The following SIPA1 variants were observed in gnomAD, a reference collection of about 807,000 sequenced individuals.
SIPA1 encodes signal-induced proliferation-associated protein 1.
Under a neutral mutation model 88.1 loss-of-function variants are expected in SIPA1, and 51 were observed. That is an observed-to-expected ratio of 0.58 (90% CI 0.46 to 0.73). The LOEUF (loss-of-function observed/expected upper bound fraction) is 0.73. Ranked by LOEUF, SIPA1 falls within the 30% of genes least tolerant of loss-of-function variation. The probability of loss-of-function intolerance (pLI) is 0.00; values close to 1 mark genes in which losing one functional copy is unlikely to be tolerated. For synonymous variants in SIPA1, 681 were observed against 664.8 expected (o/e 1.02, Z -0.37); for missense variants, 1,348 against 1,467.6 (o/e 0.92, Z 1.33).
In SIPA1 at chr11:65,649,806, C is replaced by T. The variant is rs755764927; in HGVS notation, c.2687C>T (p.Pro896Leu). 4.6e-5 allele frequency: 75 copies of T among 1,613,970 alleles called. No homozygotes were observed. In the East Asian group the frequency reaches 1.2e-3, roughly 26 times the overall value. The change falls in exon 12 of 16, where the codon CCG becomes CTG. Residue 896 changes from proline to leucine, a missense_variant. This residue lies in a region of SIPA1 where 615 missense variants were observed against 559.8 expected (regional missense o/e 1.10). Transcript: ENST00000534313. ...SGSEDKGNPA[P>L]ELRASFLPRT... is the part of the protein sequence containing the mutation. ...TCTGAGGACAAGGGCAACCCGGCGC[C>T]GGAGCTGAGGGCCTCCTTTCTGCCA...
chr11:65,650,124 C>T lies in SIPA1; in HGVS notation c.2849-14C>T, dbSNP rs746747967. On this transcript the variant is annotated splice_polypyrimidine_tract_variant and intron_variant, in intron 13 of 15. Transcript: ENST00000534313. ...CCTTTCTGACCTGCCCACCTGATCC[C>T]TTTGTCCCCACAGGACAGCCCATCC... The T allele has an allele frequency of 3.1e-6, 5 of 1,614,102 alleles. No homozygotes were observed. The highest frequency in any genetic ancestry group is 4.2e-6 in the Non-Finnish European group (5 of 1,179,964).
Position 65,650,401 on chromosome 11 carries a change from G to A in SIPA1, c.2904G>A (p.Glu968=). 1 of 1,613,984 alleles carries A rather than the reference G, an allele frequency of 6.2e-7. No individual in the cohort carries two copies. The highest frequency in any genetic ancestry group is 8.5e-7 in the Non-Finnish European group (1 of 1,179,948). Residue 968 remains glutamate, a splice_region_variant and synonymous_variant, in exon 15 of 16, where the codon GAG becomes GAA. Transcript: ENST00000534313. The part of the protein sequence containing the change: ...DPKGTPKSDA[E]PEPGNLSEKV... ...TGAGTCTTGACCCCCATGTCTTCAG[G>A]CCAGAGCCTGGGAACCTCTCAGAGA...
At chr11:65,648,063 G>A (rs2135528486) in intron 9 of SIPA1, among the ~76,000 whole-genome samples, 1 of 152,078 alleles carries the variant, frequency 6.6e-6, no homozygotes, top group South Asian at 2.1e-4. Context: ...AGTAGAGATG[G>A]GGTTTCACCA....
rs115642826 is a variant in SIPA1 at position 65,640,901 on chromosome 11, G to A, written c.-21G>A. 8,545 of 1,466,292 alleles carry A rather than the reference G, an allele frequency of 5.8e-3. 377 individuals carry two copies. In the African/African-American group the frequency reaches 0.097, roughly 17 times the overall value. 90.8% of individuals were successfully genotyped at this position (1,466,292 alleles called of 1,614,324 possible). ...TGCCCGCCAATGCGGCCCAGCCCCC[G>A]GAGAGTCAGGCCCACAGAGCATGCC... On this transcript the variant is annotated 5_prime_UTR_variant, in exon 2 of 16. Coordinates refer to ENST00000534313, the MANE Select transcript of SIPA1 (RefSeq NM_006747.4).
In SIPA1 at chr11:65,641,344, C is replaced by T. The variant is rs1290998726; in HGVS notation, c.423C>T (p.Ala141=). 1 of 1,613,326 alleles carries T rather than the reference C, an allele frequency of 6.2e-7. No homozygotes were observed. Among genetic ancestry groups the T allele is most frequent in the Non-Finnish European group, 8.5e-7 (1 of 1,180,034 alleles). The change falls in exon 2 of 16, where the codon GCC becomes GCT. Residue 141 remains alanine (A), a synonymous_variant. Transcript: ENST00000534313. ...RSQGMGSHSE[A]SSGTLASAED... The stretch of plus-strand genomic sequence containing the variant: ...AGGGGATGGGGAGCCACTCAGAGGC[C>T]AGCTCTGGGACCCTGGCTTCAGCCG...
Position 65,641,581 on chromosome 11 carries a change from C to T in SIPA1, c.660C>T (p.Arg220=), listed in dbSNP as rs1856005562. 1 of 1,608,978 alleles carries T rather than the reference C, an allele frequency of 6.2e-7. No individual in the cohort carries two copies. Among genetic ancestry groups the T allele is most frequent in the Non-Finnish European group, 8.5e-7 (1 of 1,178,110 alleles). Residue 220 remains arginine, a synonymous_variant, in exon 2 of 16, where the codon CGC becomes CGT. Transcript: ENST00000534313. ...CAGACCTGGGTGCTGGCTACTACCG[C>T]AAATACTTCTATGGCAAAGGTGAGG... ...EHADLGAGYY[R]KYFYGKEHQN...
chr11:65,641,463 C>A lies in SIPA1; in HGVS notation c.542C>A (p.Ala181Glu). The A allele has an allele frequency of 6.2e-7, 1 of 1,612,336 alleles. No individual in the cohort carries two copies. The change falls in exon 2 of 16, where the codon GCA becomes GAA. Residue 181 changes from alanine (A) to glutamate (E), a missense_variant. By Grantham distance (107) the Ala-to-Glu change is moderately radical. This residue lies in a region of SIPA1 where 641 missense variants were observed against 797.7 expected (regional missense o/e 0.80). Transcript: ENST00000534313. The part of the protein sequence containing the change: ...GEGELGLGGP[A>E]SPPVPPALPN... ...GGTGAGCTAGGCCTGGGTGGACCAG[C>A]ATCCCCACCTGTGCCCCCTGCACTG...
At chr11:65,640,293 G>C (rs997421024) in intron 1 of SIPA1, 2 of 152,498 alleles carry the variant, frequency 1.3e-5, no homozygotes, top group Admixed American at 6.5e-5. Context: ...ATGTGTCCTT[G>C]TGGTATTGAG....
At position 65,646,340 on chromosome 11, in the gene SIPA1, G is replaced by A. The variant is rs1030358917; in HGVS notation, c.1383G>A (p.Val461=). 2 of 1,613,498 alleles carry A rather than the reference G, an allele frequency of 1.2e-6. No individual in the cohort carries two copies. Among genetic ancestry groups the A allele is most frequent in the Non-Finnish European group, 1.7e-6 (2 of 1,179,986 alleles). The change falls in exon 7 of 16, where the codon GTG becomes GTA. Residue 461 remains valine (V), a synonymous_variant. Transcript: ENST00000534313. The surrounding 1 kb of genome is among the most constrained non-coding windows in gnomAD (Gnocchi z 7.5). The part of the protein sequence containing the change: ...RSHFQHVFLV[V]RAHTPCTPHT... ...ACTTCCAGCACGTGTTCCTAGTGGT[G>A]CGGGCACACACACCCTGCACGCCAC...
In SIPA1 at chr11:65,642,040, G is replaced by A; in HGVS notation, c.680-210G>A. 1.5e-6 allele frequency: 1 copy of A among 651,690 alleles called. No individual in the cohort carries two copies. The highest frequency in any genetic ancestry group is 2.5e-6 in the Non-Finnish European group (1 of 397,598). The allele number at this position is 651,690 out of a possible 1,614,324, so 40.4% of individuals were successfully genotyped here. On this transcript the variant is annotated intron_variant, in intron 2 of 15. Coordinates refer to ENST00000534313, the MANE Select transcript of SIPA1 (RefSeq NM_006747.4). The surrounding 1 kb of genome is among the most constrained non-coding windows in gnomAD (Gnocchi z 6.5). ...GGATTTAGGCCTGGGAGCTGGCCGC[G>A]TGGGTCTAGGTCTGGGTCTGGGTCC... is the stretch of plus-strand genomic sequence containing the variant.
intron 14 of SIPA1, 80 bp from the exon 15 acceptor site, chr11:65,650,321 C>T (rs1856238539): frequency 1.3e-6 from 2 of 1,555,024 alleles, no homozygotes; most frequent in Non-Finnish European, 1.8e-6. Flanking sequence ...CGGGGCCCCT[C>T]TCATTAGCTG....
Position 65,642,326 on chromosome 11 carries a change from C to A in SIPA1, c.756C>A (p.Gly252=). The A allele has an allele frequency of 1.9e-6, 3 of 1,549,388 alleles. No homozygotes were observed. Among genetic ancestry groups the A allele is most frequent in the Non-Finnish European group, 2.6e-6 (3 of 1,148,374 alleles). The change falls in exon 3 of 16, where the codon GGC becomes GGA. Residue 252 remains glycine (G), a synonymous_variant. Coordinates refer to ENST00000534313, the MANE Select transcript of SIPA1 (RefSeq NM_006747.4). The surrounding 1 kb of genome is among the most constrained non-coding windows in gnomAD (Gnocchi z 6.5). ...GCCTGCGGCGGGAGGAGAAGGAGGG[C>A]AGCGGAGGGGGCACCCTGCACAGCT... ...AVSLRREEKE[G]SGGGTLHSYR...
At chr11:65,649,886 G>C in intron 12 of SIPA1, 21 bp downstream of exon 12, 1 of 1,613,626 alleles carries the variant, frequency 6.2e-7, no homozygotes, top group South Asian at 1.1e-5. Flanking sequence ...ACCCAGGAGA[G>C]CAGGGGAGGG....
chr11:65,640,128 T>C (rs923294575), intron 1 of SIPA1: 2 of 152,168 alleles, frequency 1.3e-5, no homozygotes, highest in African/African-American at 4.8e-5. Flanking sequence ...CAGGGCAGGG[T>C]GACTGGGGTC....
At position 65,642,664 on chromosome 11, in the gene SIPA1, C is replaced by T. The variant is rs772891787; in HGVS notation, c.984+25C>T. On this transcript the variant is annotated intron_variant, in intron 4 of 15. Transcript: ENST00000534313. This position sits in a 1 kb window ranked among gnomAD's most constrained non-coding sequence, Gnocchi z 6.5. ...GGTGAGTGGCGGGCCGCGGAGCCCC[C>T]AGCCATACAGCTGGCCCCAGTCTGA... 1 of 1,499,470 alleles carries T rather than the reference C, an allele frequency of 6.7e-7. No homozygotes were observed. The highest frequency in any genetic ancestry group is 1.2e-5 in the South Asian group (1 of 80,048). 92.9% of individuals were successfully genotyped at this position (1,499,470 alleles called of 1,614,324 possible). A position where few individuals can be genotyped will look rare whatever the true frequency, so the allele number is the denominator to read the frequency against.
chr11:65,643,249 T>C (rs1856044524), intron 4 of SIPA1, among the ~76,000 whole-genome samples: 1 of 152,164 alleles, frequency 6.6e-6, no homozygotes, highest in South Asian at 2.1e-4. Context: ...TTTGCAGCCC[T>C]AGATGCCCTG....
In SIPA1 at chr11:65,647,475, T is replaced by C; in HGVS notation, c.2123T>C (p.Val708Ala). Residue 708 changes from valine (V) to alanine (A), a missense_variant, in exon 9 of 16, where the codon GTC (valine) becomes GCC (alanine). Val to Ala is a moderately conservative substitution (Grantham distance 64). Coordinates refer to ENST00000534313, the MANE Select transcript of SIPA1 (RefSeq NM_006747.4). Reference sequence around the variant, plus strand: ...TTCGAGGTGGACGCCGAGGGATTCGTCACGCACGTGGAGCGCTTCACATTC... The same window carrying C: ...TTCGAGGTGGACGCCGAGGGATTCGCCACGCACGTGGAGCGCTTCACATTC... ...LGFEVDAEGF[V>A]THVERFTFAE... is the part of the protein sequence containing the mutation. 1.4e-6 allele frequency: 2 copies of C among 1,476,592 alleles called. No homozygotes were observed. The highest frequency in any genetic ancestry group is 1.8e-6 in the Non-Finnish European group (2 of 1,122,256). The allele number at this position is 1,476,592 out of a possible 1,614,324, so 91.5% of individuals were successfully genotyped here. A position where few individuals can be genotyped will look rare whatever the true frequency, so the allele number is the denominator to read the frequency against.
chr11:65,646,901 C>A lies in SIPA1; in HGVS notation c.1867C>A (p.Pro623Thr). ...ISAEALVLVAPRDGRVVFNCA... is the reference protein window; with the variant it reads ...ISAEALVLVATRDGRVVFNCA... Reference sequence around the variant, plus strand: ...GGCCGAGGCTCTGGTGCTGGTGGCGCCGCGCGACGGCCGCGTAGTGTTCAA... The same window carrying A: ...GGCCGAGGCTCTGGTGCTGGTGGCGACGCGCGACGGCCGCGTAGTGTTCAA... The change falls in exon 8 of 16, where the codon CCG becomes ACG. Residue 623 changes from proline (P) to threonine (T), a missense_variant. Physicochemically the swap from Pro to Thr is conservative, Grantham distance 38. Coordinates refer to ENST00000534313, the MANE Select transcript of SIPA1 (RefSeq NM_006747.4). This position sits in a 1 kb window ranked among gnomAD's most constrained non-coding sequence, Gnocchi z 7.5. 6.6e-7 allele frequency: 1 copy of A among 1,519,156 alleles called. No homozygotes were observed. Among genetic ancestry groups the A allele is most frequent in the South Asian group, 1.2e-5 (1 of 81,874 alleles). The allele number at this position is 1,519,156 out of a possible 1,614,324, so 94.1% of individuals were successfully genotyped here.
rs199740682 is a variant in SIPA1, at chr11:65,641,221, A to G, written c.300A>G (p.Ala100=). 6.2e-7 allele frequency: 1 copy of G among 1,612,810 alleles called. No individual in the cohort carries two copies. Among genetic ancestry groups the G allele is most frequent in the Non-Finnish European group, 8.5e-7 (1 of 1,180,010 alleles). Residue 100 remains alanine (A), a synonymous_variant, in exon 2 of 16, where the codon GCA becomes GCG. Transcript: ENST00000534313. ...CGCTGGCACTGCTGGGGCTGCCAGC[A>G]GAGGAACCAGAGCCTGCCTTCCCAC... is the stretch of plus-strand genomic sequence containing the variant. The part of the protein sequence containing the change: ...TDPLALLGLP[A]EEPEPAFPPV...
Sources: allele counts gnomAD v4.1 joint callset (sites outside exome capture counted in the v4.1 genomes callset), GRCh38; gene constraint gnomAD v4.1.1; regional missense constraint gnomAD v4.1.1; non-coding constraint Gnocchi (gnomAD v3.1); transcripts MANE v1.5; gene names NCBI Gene and HGNC (gene_info 2026-07-23, HGNC 2026-07-21).